The following AGK variants were observed in gnomAD, a reference collection of about 807,000 sequenced individuals.
AGK encodes acylglycerol kinase, mitochondrial.
AGK carries 52 observed loss-of-function variants against 66.4 expected under a neutral mutation model. That is an observed-to-expected ratio of 0.78 (90% CI 0.63 to 0.99). The LOEUF is 0.99. Ranked by LOEUF, AGK falls within the 50% of genes least tolerant of loss-of-function variation. The pLI is 0.00. For synonymous variants in AGK, 182 were observed against 181.1 expected (o/e 1.00, Z -0.04); for missense variants, 451 against 506.6 (o/e 0.89, Z 1.05).
At chr7:141,604,243 T>A (rs368494163) in intron 5 of AGK, among the ~76,000 whole-genome samples, 1 of 151,506 alleles carries the variant, frequency 6.6e-6, no homozygotes, top group Non-Finnish European at 1.5e-5. Flanking sequence ...ATAAAAAAAA[T>A]GTACAGGAAT....
chr7:141,647,832 G>A (rs937588869), intron 13 of AGK, among the ~76,000 whole-genome samples: 1 of 152,070 alleles, frequency 6.6e-6, no homozygotes, highest in Non-Finnish European at 1.5e-5. Flanking sequence ...CACCACACCC[G>A]GCTAGTATTT....
At chr7:141,635,393 G>GT (rs931998250) in intron 10 of AGK, among the ~76,000 whole-genome samples, 5 of 152,162 alleles carry the variant, frequency 3.3e-5, no homozygotes, top group African/African-American at 1.2e-4. Context: ...ATTTTAGAAG[G>GT]TAACTGCCTG....
At chr7:141,602,091 C>T (rs1796357640) in intron 5 of AGK, among the ~76,000 whole-genome samples, 2 of 151,684 alleles carry the variant, frequency 1.3e-5, no homozygotes, top group Admixed American at 1.3e-4. Flanking sequence ...TTATGTGAGA[C>T]TGATGTTTGT....
chr7:141,628,972 A>G (rs1001398660), intron 9 of AGK, among the ~76,000 whole-genome samples: 2 of 152,178 alleles, frequency 1.3e-5, no homozygotes, highest in African/African-American at 2.4e-5. Flanking sequence ...GACCCTGCCA[A>G]CCCAGAACCA....
chr7:141,633,475 C>G (rs974056744), intron 9 of AGK, among the ~76,000 whole-genome samples: 2 of 152,196 alleles, frequency 1.3e-5, no homozygotes, highest in African/African-American at 2.4e-5. Flanking sequence ...GTGAAACATT[C>G]TAGAGTACCA....
rs1012227241 is a variant in AGK, at chr7:141,599,371, G to A, written c.222-1834G>A. 5 of 151,730 alleles carry A rather than the reference G, an allele frequency of 3.3e-5. No individual in the cohort carries two copies. In the East Asian group the frequency reaches 5.8e-4, roughly 18 times the overall value. 9.4% of individuals were successfully genotyped at this position (151,730 alleles called of 1,614,324 possible). On this transcript the variant is annotated intron_variant, in intron 4 of 15. Coordinates refer to ENST00000649286, the MANE Select transcript of AGK (RefSeq NM_018238.4). ...GTACCTAAGGTTTTTATTTAGCCTC[G>A]GTGTTATCTCACCCTTAATTATGTA... is the stretch of plus-strand genomic sequence containing the variant.
chr7:141,641,271 CTCTA>C lies in AGK; in HGVS notation c.754_757del (p.Ile252HisfsTer46), dbSNP rs1480545595. The C allele has an allele frequency of 1.2e-6, 2 of 1,613,622 alleles. No homozygotes were observed. The highest frequency in any genetic ancestry group is 1.7e-6 in the Non-Finnish European group (2 of 1,179,850). ...AGGAGTGGCCTCAGACTCATCAAGC[CTCTA>C]TCTCATACACGGGACCTACAGAGAG... On this transcript the variant is annotated frameshift_variant, in exon 12 of 16. Coordinates refer to ENST00000649286, the MANE Select transcript of AGK (RefSeq NM_018238.4). LOFTEE classifies it high-confidence loss of function.
At chr7:141,611,378 T>A (rs1412130383) in intron 6 of AGK, 91 bp downstream of exon 6, 1 of 871,064 alleles carries the variant, frequency 1.1e-6, no homozygotes, top group East Asian at 3.0e-5. Flanking sequence ...TTTAAAGAAA[T>A]TTTTTATTTT....
chr7:141,620,709 A>G (rs1314508053), intron 8 of AGK, among the ~76,000 whole-genome samples: 2 of 152,204 alleles, frequency 1.3e-5, no homozygotes, highest in East Asian at 3.8e-4. Flanking sequence ...GGAGTCCCCC[A>G]CAATATTGTA....
At chr7:141,649,098 A>AG in intron 13 of AGK, 165 bp from the exon 14 acceptor site, 1 of 390,468 alleles carries the variant, frequency 2.6e-6, no homozygotes, top group Non-Finnish European at 4.6e-6. Context: ...CTTTGTGAAA[A>AG]AAAAAAAAAA....
chr7:141,647,172 T>C (rs979270708), intron 13 of AGK, among the ~76,000 whole-genome samples: 3 of 147,294 alleles, frequency 2.0e-5, no homozygotes, highest in South Asian at 4.6e-4. Flanking sequence ...TTATCTATAA[T>C]GTTAATTCCT....
chr7:141,560,642 AGTCCCTTAT>A (rs1326638384), intron 2 of AGK, among the ~76,000 whole-genome samples: 11 of 151,954 alleles, frequency 7.2e-5, no homozygotes, highest in Admixed American at 3.3e-4. Context: ...GAGTCCCCAA[AGTCCCTTAT>A]ATCATTCTCA....
At chr7:141,575,654 CTTTTTTTTTTTTTTTTT>C (rs58292692) in intron 2 of AGK, among the ~76,000 whole-genome samples, 10 of 58,242 alleles carry the variant, frequency 1.7e-4, no homozygotes, top group South Asian at 1.2e-3. Flanking sequence ...TTACAAAGGC[CTTTTTTTTTTTTTTTTT>C]TTTTTTTTTT....
chr7:141,635,708 C>T (rs1377127189), intron 10 of AGK, among the ~76,000 whole-genome samples: 1 of 152,074 alleles, frequency 6.6e-6, no homozygotes, highest in Admixed American at 6.6e-5. Flanking sequence ...AAGTTTTGTA[C>T]CCTGACTTTA....
At chr7:141,639,352 A>C (rs1797238092) in intron 11 of AGK, among the ~76,000 whole-genome samples, 1 of 152,196 alleles carries the variant, frequency 6.6e-6, no homozygotes, top group Non-Finnish European at 1.5e-5. Flanking sequence ...TGGGGTCAAT[A>C]TGGAATTTTT....
chr7:141,590,383 C>T (rs906580662), intron 2 of AGK, among the ~76,000 whole-genome samples: 5 of 151,994 alleles, frequency 3.3e-5, no homozygotes, highest in African/African-American at 4.8e-5. Context: ...ATCCACAGGG[C>T]GAGTTTTTAG....
chr7:141,651,514 T>C lies in AGK; in HGVS notation c.1047-11T>C. The C allele has an allele frequency of 6.2e-7, 1 of 1,614,124 alleles. No individual in the cohort carries two copies. Among genetic ancestry groups the C allele is most frequent in the Non-Finnish European group, 8.5e-7 (1 of 1,179,952 alleles). On this transcript the variant is annotated splice_polypyrimidine_tract_variant and intron_variant, in intron 14 of 15. Transcript: ENST00000649286. ...CACTGGTCTTAAGCTTGCTTTTTCC[T>C]GTGCTCACAGAAGTCGAAAGGTGAG...
intron 9 of AGK, among the ~76,000 whole-genome samples, chr7:141,623,516 T>C (rs888088526): frequency 6.6e-6 from 1 of 151,938 alleles, no homozygotes; most frequent in Non-Finnish European, 1.5e-5. Context: ...CACATCCTAA[T>C]CCAGGGCAAG....
chr7:141,593,485 T>C, intron 3 of AGK: 1 of 667,430 alleles, frequency 1.5e-6, no homozygotes, highest in Non-Finnish European at 2.7e-6. Flanking sequence ...CAGTTGTCTT[T>C]GTAGATTTGT....
Sources: gnomAD v4.1 joint callset for allele counts (sites outside exome capture counted in the v4.1 genomes callset) on GRCh38, gnomAD v4.1.1 for gene constraint, MANE v1.5 for transcripts, NCBI Gene and HGNC (gene_info 2026-07-23, HGNC 2026-07-21) for gene names.